Variants in STPG2 observed in about 807,000 individuals in gnomAD.
STPG2 encodes the protein sperm tail PG-rich repeat containing 2, also known as sperm-tail PG-rich repeat-containing protein 2.
A neutral mutation model predicts 54.2 loss-of-function variants in STPG2; 56 were observed. The observed-to-expected ratio is 1.03, with a 90% CI of 0.83 to 1.29. STPG2 has a LOEUF of 1.29. STPG2 is among the 50% of genes most tolerant of loss of function. The probability of loss-of-function intolerance (pLI) is 0.00; values close to 1 mark genes in which losing one functional copy is unlikely to be tolerated. For missense variants in STPG2, 596 were observed against 544.9 expected, an observed-to-expected ratio of 1.09 and a Z score of -0.93; for synonymous variants, 200 against 181.8, an observed-to-expected ratio of 1.10 and a Z score of -0.81.
At chr4:98,109,104 C>G in intron 4 of STPG2, 89 bp downstream of exon 4, 1 of 723,356 alleles carries the variant, frequency 1.4e-6, no homozygotes, top group Non-Finnish European at 2.1e-6. Flanking sequence ...CTAATTTTTC[C>G]TTTCTTTACA....
intron 4 of STPG2, among the ~76,000 whole-genome samples, chr4:97,473,970 T>A (rs924131357): frequency 2.1e-4 from 32 of 152,116 alleles, no homozygotes; most frequent in Admixed American, 1.4e-3. Context: ...TAGAGGGTTT[T>A]TTTTTGATCA....
intron 9 of STPG2, among the ~76,000 whole-genome samples, chr4:97,779,677 G>T (rs1344654897): frequency 2.6e-5 from 4 of 152,208 alleles, no homozygotes; most frequent in African/African-American, 9.7e-5. Context: ...AGGGCAGCCA[G>T]AGAGAAAGAT....
At chr4:97,791,624 T>C (rs188987539) in intron 9 of STPG2, among the ~76,000 whole-genome samples, 11 of 152,274 alleles carry the variant, frequency 7.2e-5, no homozygotes, top group Non-Finnish European at 1.3e-4. Flanking sequence ...TCTCATTGTA[T>C]TCAATTTTGA....
rs1436853287 is a variant in STPG2, at chr4:98,039,698, A to ATCTATATATATC, written c.613-58381_613-58380insGATATATATAGA. On this transcript the variant is annotated intron_variant, in intron 5 of 10. Transcript: ENST00000295268. ...ATATGTGATACATATATATATATAT[A>ATCTATATATATC]TCTCACATTTTCTTTATCCAGTCAT... 4.8e-3 allele frequency among the ~76,000 whole-genome samples: 719 copies of ATCTATATATATC among 150,618 alleles called. 3 individuals carry two copies. Among genetic ancestry groups the ATCTATATATATC allele is most frequent in the South Asian group, 0.024 (117 of 4,786 alleles).
At chr4:97,603,086 C>A (rs1223276744) in intron 10 of STPG2, among the ~76,000 whole-genome samples, 1 of 151,306 alleles carries the variant, frequency 6.6e-6, no homozygotes, top group Admixed American at 6.6e-5. Flanking sequence ...AGTTTGTGTC[C>A]AGAATATATA....
intron 8 of STPG2, among the ~76,000 whole-genome samples, chr4:97,859,466 CTTTTT>C (rs70953089): frequency 2.3e-5 from 3 of 129,114 alleles, no homozygotes; most frequent in Non-Finnish European, 3.3e-5. Context: ...CTTTTCTTTT[CTTTTT>C]TTTTTTTTTT....
At chr4:98,128,964 C>G (rs1266232009) in intron 2 of STPG2, among the ~76,000 whole-genome samples, 4 of 152,120 alleles carry the variant, frequency 2.6e-5, no homozygotes, top group Admixed American at 6.5e-5. Flanking sequence ...GAACTCCTGA[C>G]CTCAAATGAT....
intron 10 of STPG2, among the ~76,000 whole-genome samples, chr4:97,680,209 A>G (rs1166205422): frequency 6.6e-6 from 1 of 151,550 alleles, no homozygotes; most frequent in Non-Finnish European, 1.5e-5. Flanking sequence ...TCTGTAAATT[A>G]CCTTGGGCAG....
chr4:97,955,178 T>C (rs181670413), intron 7 of STPG2, among the ~76,000 whole-genome samples: 1 of 151,690 alleles, frequency 6.6e-6, no homozygotes. Flanking sequence ...ATCTAAACTG[T>C]AGCATGAAAG....
intron 9 of STPG2, among the ~76,000 whole-genome samples, chr4:97,801,629 T>C (rs1329359663): frequency 6.6e-6 from 1 of 152,182 alleles, no homozygotes; most frequent in Non-Finnish European, 1.5e-5. Flanking sequence ...AAGTAGCTCA[T>C]ATTAAAACCC....
intron 10 of STPG2, among the ~76,000 whole-genome samples, chr4:97,616,057 A>AATATAAAT (rs71588909): frequency 8.0e-5 from 3 of 37,394 alleles, no homozygotes; most frequent in Non-Finnish European, 1.5e-4. Flanking sequence ...AATACATATA[A>AATATAAAT]ATATATATAT....
chr4:97,902,176 T>A (rs766901682), intron 8 of STPG2, among the ~76,000 whole-genome samples: 1 of 152,032 alleles, frequency 6.6e-6, no homozygotes, highest in Non-Finnish European at 1.5e-5. Flanking sequence ...GACTTAAATG[T>A]CAGACCTGAA....
Position 97,973,857 on chromosome 4 carries a change from C to T in STPG2, c.773-1417G>A, listed in dbSNP as rs182852057. Among the ~76,000 whole-genome samples, 438 of 152,328 alleles carry T rather than the reference C, an allele frequency of 2.9e-3. 3 individuals carry two copies. The highest frequency in any genetic ancestry group is 9.9e-3 in the African/African-American group (413 of 41,580). On this transcript the variant is annotated intron_variant, in intron 6 of 10. Coordinates refer to ENST00000295268, the MANE Select transcript of STPG2 (RefSeq NM_174952.3). The stretch of plus-strand genomic sequence containing the variant: ...GGGGTGGGGCCTTTATGGAGAACCT[C>T]TGCTAGGGGATTGTAGAAGGAAAAT...
chr4:97,815,074 C>G (rs116440868), intron 9 of STPG2, among the ~76,000 whole-genome samples: 3 of 152,096 alleles, frequency 2.0e-5, no homozygotes, highest in African/African-American at 7.2e-5. Flanking sequence ...TTTTCAGAAA[C>G]GAAGGTATGG....
intron 4 of STPG2, among the ~76,000 whole-genome samples, chr4:97,533,328 C>T (rs1479975358): frequency 6.6e-6 from 1 of 151,972 alleles, no homozygotes; most frequent in Non-Finnish European, 1.5e-5. Flanking sequence ...CTTAGTATTT[C>T]TATTATCCTG....
At chr4:97,818,407 A>G (rs931996481) in intron 9 of STPG2, among the ~76,000 whole-genome samples, 45 of 152,070 alleles carry the variant, frequency 3.0e-4, no homozygotes, top group African/African-American at 1.1e-3. Context: ...ATAAAGTAGA[A>G]CAATTACAAC....
intron 4 of STPG2, among the ~76,000 whole-genome samples, chr4:97,449,934 A>ATGTTTG: frequency 6.6e-6 from 1 of 152,186 alleles, no homozygotes; most frequent in African/African-American, 2.4e-5. Context: ...TCCAATGCAA[A>ATGTTTG]CAATGTAGCC....
chr4:97,797,833 G>T (rs1371770397), intron 9 of STPG2, among the ~76,000 whole-genome samples: 1 of 152,042 alleles, frequency 6.6e-6, no homozygotes, highest in Admixed American at 6.5e-5. Flanking sequence ...TTTTTTGGTT[G>T]GTAGGCTATT....
chr4:97,784,708 CA>C (rs1726768645), intron 9 of STPG2, among the ~76,000 whole-genome samples: 2 of 1,074 alleles, frequency 1.9e-3, no homozygotes, highest in African/African-American at 2.8e-3. Flanking sequence ...TATAGTATTA[CA>C]AAGAAAAAAA....
Sources: gnomAD v4.1 joint callset for allele counts (sites outside exome capture counted in the v4.1 genomes callset) on GRCh38, gnomAD v4.1.1 for gene constraint, MANE v1.5 for transcripts, NCBI Gene and HGNC (gene_info 2026-07-23, HGNC 2026-07-21) for gene names.